TDRD3: variants seen among roughly 807,000 people sequenced by gnomAD.
TDRD3 encodes the protein tudor domain containing 3, also known as tudor domain-containing protein 3.
A neutral mutation model predicts 86.7 loss-of-function variants in TDRD3; 45 were observed. The observed-to-expected ratio is 0.52, with a 90% CI of 0.41 to 0.67. TDRD3 has a LOEUF of 0.67. TDRD3 is among the 30% of genes least tolerant of loss of function. The pLI is 0.00. For missense variants in TDRD3, 814 were observed against 889.0 expected, an observed-to-expected ratio of 0.92 and a Z score of 1.07; for synonymous variants, 298 against 301.7, an observed-to-expected ratio of 0.99 and a Z score of 0.13.
chr13:60,562,529 C>A (rs1294408858), intron 12 of TDRD3, among the ~76,000 whole-genome samples: 1 of 152,154 alleles, frequency 6.6e-6, no homozygotes, highest in African/African-American at 2.4e-5. Flanking sequence ...TCAGTTTACA[C>A]TTCCATACAT....
rs991365011 is a variant in TDRD3 at position 60,468,345 on chromosome 13, G to A, written c.495+966G>A. Among the ~76,000 whole-genome samples, 8 of 151,996 alleles carry A rather than the reference G, an allele frequency of 5.3e-5. No homozygotes were observed. In the East Asian group the frequency reaches 7.7e-4, roughly 15 times the overall value. On this transcript the variant is annotated intron_variant, in intron 5 of 13. Transcript: ENST00000377881. ...TCTTGTTTTTTCTCTCCTGATCCCC[G>A]CATAGCCAAATCATCCCTGTGCTTT... is the stretch of plus-strand genomic sequence containing the variant.
chr13:60,530,374 G>T (rs936741396), intron 11 of TDRD3, among the ~76,000 whole-genome samples: 2 of 151,940 alleles, frequency 1.3e-5, no homozygotes, highest in Non-Finnish European at 2.9e-5. Context: ...AAAAACGTAT[G>T]TAAGGGAGTT....
intron 13 of TDRD3, among the ~76,000 whole-genome samples, chr13:60,569,156 A>G (rs1452397476): frequency 6.6e-6 from 1 of 151,992 alleles, no homozygotes; most frequent in Non-Finnish European, 1.5e-5. Flanking sequence ...TTTTGTGGAG[A>G]TGGGGTTTTG....
intron 1 of TDRD3, among the ~76,000 whole-genome samples, chr13:60,414,928 C>T (rs1434460864): frequency 1.3e-5 from 2 of 151,334 alleles, no homozygotes; most frequent in African/African-American, 2.4e-5. Flanking sequence ...AAAATCAGTA[C>T]TGCTTAAACA....
At position 60,445,721 on chromosome 13, in the gene TDRD3, A is replaced by G. The variant is rs547563211; in HGVS notation, c.192+973A>G. On this transcript the variant is annotated intron_variant, in intron 3 of 13. Coordinates refer to ENST00000377881, the MANE Select transcript of TDRD3 (RefSeq NM_001146070.2). ...AGGATACTTAGAAAAGTAGGCAACA[A>G]TCTTGACTAGGTGTGTTGAATGCAA... 5.1e-4 allele frequency among the ~76,000 whole-genome samples: 77 copies of G among 152,318 alleles called. 2 individuals carry two copies. The highest frequency in any genetic ancestry group is 1.8e-3 in the African/African-American group (75 of 41,576).
rs551947264 is a variant in TDRD3, at chr13:60,397,422, G to A, written c.41+17G>A. 8 of 1,481,814 alleles carry A rather than the reference G, an allele frequency of 5.4e-6. No homozygotes were observed. In the South Asian group the frequency reaches 7.6e-5, roughly 14 times the overall value. The allele number at this position is 1,481,814 out of a possible 1,614,324, so 91.8% of individuals were successfully genotyped here. Reference sequence around the variant, plus strand: ...GGCGGGTTGGTAAGTGGCGAGTCCCGCCGGCTGCCGGGCCGCGGGTGCGGG... The same window carrying A: ...GGCGGGTTGGTAAGTGGCGAGTCCCACCGGCTGCCGGGCCGCGGGTGCGGG... On this transcript the variant is annotated intron_variant, in intron 1 of 13. Transcript: ENST00000377881.
rs556593521 is a variant in TDRD3 at position 60,475,497 on chromosome 13, G to A, written c.495+8118G>A. On this transcript the variant is annotated intron_variant, in intron 5 of 13. Transcript: ENST00000377881. The stretch of plus-strand genomic sequence containing the variant: ...CATTTTCTTTATCCAGTTCTGTGTC[G>A]ATGGACCTCTTCACTGATTCCATGT... Among the ~76,000 whole-genome samples the A allele has an allele frequency of 3.3e-5, 5 of 152,210 alleles. No individual in the cohort carries two copies. The South Asian group carries it at 6.2e-4, about 19-fold the overall frequency.
chr13:60,437,950 C>T (rs1566191065), intron 1 of TDRD3, among the ~76,000 whole-genome samples: 1 of 152,098 alleles, frequency 6.6e-6, no homozygotes, highest in Non-Finnish European at 1.5e-5. Flanking sequence ...TTTTTGATTA[C>T]ACTATTCCTT....
intron 12 of TDRD3, among the ~76,000 whole-genome samples, chr13:60,538,608 A>G (rs1340868535): frequency 6.6e-6 from 1 of 152,170 alleles, no homozygotes. Context: ...AAAATTATAT[A>G]TGGAAAACAA....
intron 13 of TDRD3, among the ~76,000 whole-genome samples, 180 bp from the exon 14 acceptor site, chr13:60,573,436 C>A (rs1219252798): frequency 6.6e-6 from 1 of 151,980 alleles, no homozygotes; most frequent in Non-Finnish European, 1.5e-5. Context: ...TTGCTTTTTT[C>A]TTTCATATTG....
intron 8 of TDRD3, among the ~76,000 whole-genome samples, chr13:60,503,421 A>C (rs535480563): frequency 1.2e-4 from 19 of 152,376 alleles, no homozygotes; most frequent in Non-Finnish European, 2.1e-4. Context: ...ATAACTTGAC[A>C]ACCTTAATTA....
intron 8 of TDRD3, among the ~76,000 whole-genome samples, chr13:60,499,046 G>A (rs768075419): frequency 1.4e-4 from 22 of 152,342 alleles, no homozygotes; most frequent in Non-Finnish European, 2.4e-4. Flanking sequence ...TCCCTGACTG[G>A]TAGGGTGAGG....
chr13:60,423,704 A>G (rs998102888), intron 1 of TDRD3, among the ~76,000 whole-genome samples: 2 of 152,164 alleles, frequency 1.3e-5, no homozygotes, highest in Non-Finnish European at 2.9e-5. Flanking sequence ...AAAAAATTGT[A>G]AAAGGAGAAA....
At chr13:60,528,191 A>G (rs1957491875) in intron 10 of TDRD3, among the ~76,000 whole-genome samples, 176 bp from the exon 11 acceptor site, 1 of 152,322 alleles carries the variant, frequency 6.6e-6, no homozygotes, top group African/African-American at 2.4e-5. Flanking sequence ...ACTGTACATT[A>G]GAAATGCAGG....
At chr13:60,512,863 G>T (rs1000526219) in intron 10 of TDRD3, among the ~76,000 whole-genome samples, 1 of 152,146 alleles carries the variant, frequency 6.6e-6, no homozygotes, top group Non-Finnish European at 1.5e-5. Flanking sequence ...GGTAAATGGT[G>T]CAAGCTGTTG....
chr13:60,474,085 T>C (rs904454387), intron 5 of TDRD3, among the ~76,000 whole-genome samples: 2 of 152,192 alleles, frequency 1.3e-5, no homozygotes, highest in Non-Finnish European at 2.9e-5. Context: ...TGTTCCACCC[T>C]GTACACCTGG....
At chr13:60,452,116 T>C (rs753281587) in intron 3 of TDRD3, among the ~76,000 whole-genome samples, 4 of 152,112 alleles carry the variant, frequency 2.6e-5, no homozygotes, top group Non-Finnish European at 5.9e-5. Flanking sequence ...TAGGAAGAAA[T>C]GTACATAAAA....
intron 4 of TDRD3, among the ~76,000 whole-genome samples, chr13:60,465,720 G>A (rs1049007072): frequency 1.3e-5 from 2 of 152,062 alleles, no homozygotes; most frequent in Non-Finnish European, 2.9e-5. Context: ...AAAAAGGCCA[G>A]TGATATTAGC....
chr13:60,440,674 C>G (rs1955242074), intron 2 of TDRD3, among the ~76,000 whole-genome samples: 1 of 151,870 alleles, frequency 6.6e-6, no homozygotes, highest in South Asian at 2.1e-4. Flanking sequence ...GAGTGAGACT[C>G]TGTCTCAAAA....
Sources: gnomAD v4.1 joint callset for allele counts (sites outside exome capture counted in the v4.1 genomes callset) on GRCh38, gnomAD v4.1.1 for gene constraint, MANE v1.5 for transcripts, NCBI Gene and HGNC (gene_info 2026-07-23, HGNC 2026-07-21) for gene names.